Variants in ABCA8 observed in about 807,000 individuals in gnomAD.
The protein encoded by ABCA8 is ATP binding cassette subfamily A member 8.
Under a neutral mutation model 192.3 loss-of-function variants are expected in ABCA8, and 177 were observed. That is an observed-to-expected ratio of 0.92 (90% CI 0.81 to 1.04). ABCA8 has a LOEUF of 1.04. Among genes scored for constraint, ABCA8 ranks in the 50% least tolerant of loss-of-function variants. ABCA8 has a pLI of 0.00. For missense variants in ABCA8, 1,915 were observed against 1,904.8 expected (o/e 1.01, Z -0.10); for synonymous variants, 642 against 690.2 (o/e 0.93, Z 1.09).
intron 11 of ABCA8, 139 bp downstream of exon 11, chr17:68,924,562 G>A (rs2067643273): frequency 1.1e-6 from 1 of 886,894 alleles, no homozygotes; most frequent in South Asian, 2.2e-5. Flanking sequence ...TTGAACTTGA[G>A]ATGGAAAGTG....
intron 12 of ABCA8, 127 bp downstream of exon 12, chr17:68,922,115 C>G: frequency 1.6e-6 from 1 of 623,740 alleles, no homozygotes; most frequent in South Asian, 3.6e-5. Flanking sequence ...AATACCACCA[C>G]TAATTAATCA....
At chr17:68,887,887 T>TAC (rs1464111864) in intron 24 of ABCA8, among the ~76,000 whole-genome samples, 1 of 41,836 alleles carries the variant, frequency 2.4e-5, no homozygotes, top group Non-Finnish European at 3.6e-5. Flanking sequence ...CCTCCATATA[T>TAC]ATATATATAT....
At chr17:68,941,514 T>G (rs991341964) in intron 3 of ABCA8, among the ~76,000 whole-genome samples, 1 of 152,168 alleles carries the variant, frequency 6.6e-6, no homozygotes, top group African/African-American at 2.4e-5. Flanking sequence ...TTCCAACTTT[T>G]CTACTTTTTT....
rs2067187494 is a variant in ABCA8 at position 68,909,838 on chromosome 17, G to T, written c.2139-1959C>A. On this transcript the variant is annotated intron_variant, in intron 17 of 39. Transcript: ENST00000586539. ...TTTCTTTGTATTGTTGTCATGATAG[G>T]TTTGTTTTCTTTCTTAAGTATAGAT... Among the ~76,000 whole-genome samples, 8 of 152,024 alleles carry T rather than the reference G, an allele frequency of 5.3e-5. No individual in the cohort carries two copies. The South Asian group carries it at 1.7e-3, about 32-fold the overall frequency.
In ABCA8 at chr17:68,918,049, G is replaced by A. The variant is rs756218261; in HGVS notation, c.2045C>T (p.Ala682Val). ...ACTTAACAGAAACCAGTGATTACCC[G>A]CCAGGATGTCGGCCTCATCCATGAA... ...TQFMDEADIL[A>V]DRKVFLSQGK... is the part of the protein sequence containing the mutation. Residue 682 changes from alanine (A) to valine (V), a missense_variant and splice_region_variant, in exon 16 of 40, where the codon GCG becomes GTG. Ala to Val is a moderately conservative substitution (Grantham distance 64, BLOSUM62 0). Coordinates refer to ENST00000586539, the MANE Select transcript of ABCA8 (RefSeq NM_001288985.2). 5.6e-6 allele frequency: 9 copies of A among 1,613,672 alleles called. No homozygotes were observed. The highest frequency in any genetic ancestry group is 2.2e-5 in the South Asian group (2 of 90,952).
chr17:68,952,751 G>C (rs558936461), intron 1 of ABCA8, among the ~76,000 whole-genome samples: 1 of 152,204 alleles, frequency 6.6e-6, no homozygotes, highest in South Asian at 2.1e-4. Flanking sequence ...ACAGAGAGTG[G>C]CATTATACTT....
chr17:68,906,972 G>A (rs1426851276), intron 18 of ABCA8, among the ~76,000 whole-genome samples: 1 of 151,972 alleles, frequency 6.6e-6, no homozygotes, highest in African/African-American at 2.4e-5. Context: ...GCTCCTGCTT[G>A]GGCAAAAGGA....
At chr17:68,926,542 G>A (rs577015706) in intron 10 of ABCA8, among the ~76,000 whole-genome samples, 1 of 152,080 alleles carries the variant, frequency 6.6e-6, no homozygotes, top group Non-Finnish European at 1.5e-5. Flanking sequence ...ATGTTAACAA[G>A]GGGTAGAAAG....
Position 68,928,120 on chromosome 17 carries a change from A to T in ABCA8, c.1126-57T>A, listed in dbSNP as rs77185245. On this transcript the variant is annotated intron_variant, in intron 9 of 39. Coordinates refer to ENST00000586539, the MANE Select transcript of ABCA8 (RefSeq NM_001288985.2). The stretch of plus-strand genomic sequence containing the variant: ...ATTAGGTATAAGATACATTTTAAAC[A>T]GTTAGGTTTAGCATAGTAATGAAAT... 1.4e-4 allele frequency: 189 copies of T among 1,388,322 alleles called. No individual in the cohort carries two copies. In the African/African-American group the frequency reaches 2.6e-3, roughly 19 times the overall value. 86.0% of individuals were successfully genotyped at this position (1,388,322 alleles called of 1,614,324 possible).
chr17:68,944,316 TTATATATATATATA>T lies in ABCA8; in HGVS notation c.-5-2291_-5-2278del, dbSNP rs1177610587. On this transcript the variant is annotated intron_variant, in intron 2 of 39. Coordinates refer to ENST00000586539, the MANE Select transcript of ABCA8 (RefSeq NM_001288985.2). ...AGCACATGTAGCCCAGAACTTAAAG[TTATATATATATATA>T]TATATATATATATATATATATATAT... Among the ~76,000 whole-genome samples, 64 of 29,288 alleles carry T rather than the reference TTATATATATATATA, an allele frequency of 2.2e-3. 1 individual carries two copies. Among genetic ancestry groups the T allele is most frequent in the Middle Eastern group, 0.042 (2 of 48 alleles). The allele number at this position is 29,288 out of a possible 152,430, so 19.2% of individuals were successfully genotyped here.
intron 5 of ABCA8, among the ~76,000 whole-genome samples, chr17:68,933,802 A>G (rs2067978583): frequency 6.6e-6 from 1 of 152,188 alleles, no homozygotes; most frequent in Admixed American, 6.5e-5. Context: ...AGTCCATTTA[A>G]TAGTAAACTA....
chr17:68,913,715 C>T (rs1269971832), intron 17 of ABCA8, among the ~76,000 whole-genome samples: 1 of 151,976 alleles, frequency 6.6e-6, no homozygotes, highest in Non-Finnish European at 1.5e-5. Context: ...ATACCAATAA[C>T]AACCAACAAG....
Position 68,875,771 on chromosome 17 carries a change from C to T in ABCA8, c.4371-38G>A, listed in dbSNP as rs760643402. The T allele has an allele frequency of 5.0e-6, 8 of 1,589,938 alleles. No homozygotes were observed. In the African/African-American group the frequency reaches 1.1e-4, roughly 22 times the overall value. ...GAGATTATTTGCAATTTAGGAAATC[C>T]TCTAATTAATCAGAAAGAGATAGAG... On this transcript the variant is annotated intron_variant, in intron 35 of 39. Transcript: ENST00000586539.
At chr17:68,930,617 C>T (rs1237780537) in intron 7 of ABCA8, among the ~76,000 whole-genome samples, 2 of 152,126 alleles carry the variant, frequency 1.3e-5, no homozygotes, top group Non-Finnish European at 2.9e-5. Flanking sequence ...ATTTTATTCT[C>T]CCAATAGCCC....
At chr17:68,876,421 G>T in intron 35 of ABCA8, 39 bp downstream of exon 35, 1 of 1,613,106 alleles carries the variant, frequency 6.2e-7, no homozygotes, top group East Asian at 2.2e-5. Flanking sequence ...CTCCATGCAA[G>T]TCATCCGTGC....
At chr17:68,909,004 G>T (rs1354117778) in intron 17 of ABCA8, among the ~76,000 whole-genome samples, 3 of 152,108 alleles carry the variant, frequency 2.0e-5, no homozygotes, top group Non-Finnish European at 4.4e-5. Context: ...GAACTTAAAA[G>T]AATATATGCT....
chr17:68,933,125 A>G, intron 6 of ABCA8, 43 bp downstream of exon 6: 1 of 1,326,542 alleles, frequency 7.5e-7, no homozygotes, highest in Non-Finnish European at 1.1e-6. Context: ...AATATCATTA[A>G]CTTGCATTAA....
At chr17:68,871,832 A>G (rs1344744571) in intron 37 of ABCA8, among the ~76,000 whole-genome samples, 3 of 152,236 alleles carry the variant, frequency 2.0e-5, no homozygotes, top group Non-Finnish European at 2.9e-5. Flanking sequence ...CCAATCATAA[A>G]AAAGTATGCA....
intron 14 of ABCA8, 117 bp from the exon 15 acceptor site, chr17:68,918,663 G>A (rs2067450757): frequency 9.4e-7 from 1 of 1,066,066 alleles, no homozygotes; most frequent in African/African-American, 1.6e-5. Context: ...GTCAGGCGCG[G>A]TGGCTCATAC....
Sources: allele counts gnomAD v4.1 joint callset (sites outside exome capture counted in the v4.1 genomes callset), GRCh38; gene constraint gnomAD v4.1.1; transcripts MANE v1.5; gene names NCBI Gene and HGNC (gene_info 2026-07-23, HGNC 2026-07-21).